Variants in NME7 observed in about 807,000 individuals in gnomAD.
The protein encoded by NME7 is nucleoside diphosphate kinase 7.
A neutral mutation model predicts 49.1 loss-of-function variants in NME7; 41 were observed. The observed-to-expected ratio is 0.83, with a 90% CI of 0.65 to 1.08. NME7 has a LOEUF of 1.08. Ranked by LOEUF, NME7 falls within the 50% of genes least tolerant of loss-of-function variation. The pLI is 0.00. For synonymous variants in NME7, 139 were observed against 150.6 expected (o/e 0.92, Z 0.56); for missense variants, 423 against 463.4 (o/e 0.91, Z 0.80).
At chr1:169,232,565 G>C (rs200223276) in intron 9 of NME7, among the ~76,000 whole-genome samples, 126 of 151,522 alleles carry the variant, frequency 8.3e-4, no homozygotes, top group South Asian at 1.3e-3. Flanking sequence ...TTGGGGGGGG[G>C]GCAGGGGAAA....
At chr1:169,195,366 C>T (rs1348898809) in intron 10 of NME7, among the ~76,000 whole-genome samples, 1 of 152,010 alleles carries the variant, frequency 6.6e-6, no homozygotes, top group Non-Finnish European at 1.5e-5. Context: ...CATGTGCCAC[C>T]ACACCTGGCT....
At chr1:169,176,609 C>G (rs906133635) in intron 10 of NME7, among the ~76,000 whole-genome samples, 3 of 152,082 alleles carry the variant, frequency 2.0e-5, no homozygotes, top group Non-Finnish European at 4.4e-5. Context: ...CACATGGCAT[C>G]GTAACTATTG....
intron 7 of NME7, among the ~76,000 whole-genome samples, chr1:169,278,404 C>T (rs1397149049): frequency 6.6e-6 from 1 of 152,006 alleles, no homozygotes; most frequent in African/African-American, 2.4e-5. Context: ...TCTTTTCTCT[C>T]TAAACTTCCC....
chr1:169,186,141 T>C (rs1041039023), intron 10 of NME7, among the ~76,000 whole-genome samples: 3 of 152,086 alleles, frequency 2.0e-5, no homozygotes, highest in African/African-American at 7.2e-5. Flanking sequence ...GAATTTACAT[T>C]GGGGAATTGT....
chr1:169,151,464 AC>A (rs1158345561), intron 11 of NME7, among the ~76,000 whole-genome samples: 1 of 152,002 alleles, frequency 6.6e-6, no homozygotes, highest in East Asian at 1.9e-4. Context: ...ACAGAACTTG[AC>A]CTACTGGAGG....
At chr1:169,352,950 T>C (rs954991687) in intron 1 of NME7, among the ~76,000 whole-genome samples, 1 of 152,104 alleles carries the variant, frequency 6.6e-6, no homozygotes, top group Non-Finnish European at 1.5e-5. Context: ...AAAGAATCAA[T>C]ATTGTTAAAA....
chr1:169,250,418 T>C lies in NME7; in HGVS notation c.755-12731A>G, dbSNP rs756757948. On this transcript the variant is annotated intron_variant, in intron 7 of 11. Coordinates refer to ENST00000367811, the MANE Select transcript of NME7 (RefSeq NM_013330.5). ...TTTATCTTTTTGAAAAACCAACTTT[T>C]AGTGTCATTGATCTTTGGTATTTTT... 5.7e-4 allele frequency among the ~76,000 whole-genome samples: 87 copies of C among 152,212 alleles called. 4 individuals are homozygous for C. Among genetic ancestry groups the C allele is most frequent in the Non-Finnish European group, 1.3e-4 (9 of 67,972 alleles).
At chr1:169,247,424 G>A (rs1448392715) in intron 7 of NME7, among the ~76,000 whole-genome samples, 1 of 152,066 alleles carries the variant, frequency 6.6e-6, no homozygotes, top group Non-Finnish European at 1.5e-5. Flanking sequence ...ATGTTTCTAG[G>A]AGATTTTCAT....
chr1:169,158,832 G>A (rs1412123968), intron 11 of NME7, among the ~76,000 whole-genome samples: 1 of 152,062 alleles, frequency 6.6e-6, no homozygotes, highest in Non-Finnish European at 1.5e-5. Context: ...CTGGAGCAGG[G>A]GAGGACACAT....
At chr1:169,157,864 T>C (rs1184467930) in intron 11 of NME7, among the ~76,000 whole-genome samples, 1 of 152,234 alleles carries the variant, frequency 6.6e-6, no homozygotes, top group African/African-American at 2.4e-5. Context: ...ATGTCTTCTT[T>C]TGAGAAGTGT....
At chr1:169,209,093 T>A (rs1334192154) in intron 10 of NME7, among the ~76,000 whole-genome samples, 2 of 148,892 alleles carry the variant, frequency 1.3e-5, no homozygotes, top group African/African-American at 4.8e-5. Context: ...TTAAAAAATC[T>A]ACAAAATTAA....
chr1:169,300,874 C>A (rs1261106158), intron 5 of NME7, among the ~76,000 whole-genome samples: 1 of 152,054 alleles, frequency 6.6e-6, no homozygotes, highest in Non-Finnish European at 1.5e-5. Flanking sequence ...GGATACCTGT[C>A]TAGCCATAAG....
intron 10 of NME7, among the ~76,000 whole-genome samples, chr1:169,187,426 C>T (rs1462434884): frequency 6.6e-6 from 1 of 152,022 alleles, no homozygotes; most frequent in Non-Finnish European, 1.5e-5. Flanking sequence ...AATCTTGGTG[C>T]TCCTGTATTG....
intron 1 of NME7, among the ~76,000 whole-genome samples, chr1:169,334,774 C>A (rs754479370): frequency 6.6e-6 from 1 of 152,110 alleles, no homozygotes; most frequent in Non-Finnish European, 1.5e-5. Context: ...TCAGAGTGAA[C>A]AGGCAACCTA....
chr1:169,255,097 A>G (rs1245733723), intron 7 of NME7, among the ~76,000 whole-genome samples: 1 of 136,132 alleles, frequency 7.3e-6, no homozygotes, highest in South Asian at 2.3e-4. Context: ...GTGCAGAGCT[A>G]AGTTCAATTC....
intron 1 of NME7, among the ~76,000 whole-genome samples, chr1:169,332,669 T>C (rs1274024285): frequency 6.6e-6 from 1 of 152,086 alleles, no homozygotes; most frequent in Non-Finnish European, 1.5e-5. Flanking sequence ...AAGATCTGAA[T>C]AGATATTTCT....
At chr1:169,164,159 G>C (rs12120007) in intron 11 of NME7, among the ~76,000 whole-genome samples, 37,302 of 151,316 alleles carry the variant, frequency 0.25, 5,491 homozygotes, top group Non-Finnish European at 0.34. Context: ...CTGGACGTCA[G>C]TATTTAGAAA....
intron 7 of NME7, among the ~76,000 whole-genome samples, chr1:169,279,513 T>C (rs1257459621): frequency 1.3e-5 from 2 of 152,256 alleles, no homozygotes; most frequent in East Asian, 3.9e-4. Context: ...TATGACCTTC[T>C]GGTGCGCCAT....
chr1:169,172,283 A>C (rs1025135429), intron 10 of NME7, among the ~76,000 whole-genome samples: 1 of 151,582 alleles, frequency 6.6e-6, no homozygotes, highest in Non-Finnish European at 1.5e-5. Context: ...AAAACTAAAA[A>C]AAAACAAAAA....
Sources: gnomAD v4.1 joint callset for allele counts (sites outside exome capture counted in the v4.1 genomes callset) on GRCh38, gnomAD v4.1.1 for gene constraint, MANE v1.5 for transcripts, NCBI Gene and HGNC (gene_info 2026-07-23, HGNC 2026-07-21) for gene names.